The following ADAMTS7 variants were observed in gnomAD, a reference collection of about 807,000 sequenced individuals.
The protein encoded by ADAMTS7 is ADAM metallopeptidase with thrombospondin type 1 motif 7.
In ADAMTS7, 89 loss-of-function variants were observed where a neutral mutation model predicts 172.6. The observed-to-expected ratio is 0.52, with a 90% CI of 0.43 to 0.61. The LOEUF is 0.61. ADAMTS7 is among the 20% of genes least tolerant of loss of function. The pLI is 0.00. For missense variants in ADAMTS7, 1,973 were observed against 2,355.6 expected (o/e 0.84, Z 3.36); for synonymous variants, 885 against 978.4 (o/e 0.90, Z 1.78).
intron 16 of ADAMTS7, among the ~76,000 whole-genome samples, chr15:78,770,121 C>G (rs2055222328): frequency 6.6e-6 from 1 of 151,914 alleles, no homozygotes; most frequent in Admixed American, 6.6e-5. Flanking sequence ...CGAGATTGTG[C>G]CATTGCACTC....
At position 78,790,628 on chromosome 15, in the gene ADAMTS7, C is replaced by T. The variant is rs75190569; in HGVS notation, c.1028+42G>A. ...GCTTCTTCTGCAGGGCCGGGAAGCA[C>T]CTCCTGAGATGCAGGCTCCCACCCT... On this transcript the variant is annotated intron_variant, in intron 6 of 23. Coordinates refer to ENST00000388820, the MANE Select transcript of ADAMTS7 (RefSeq NM_014272.5). 0.019 allele frequency: 30,613 copies of T among 1,608,446 alleles called. 4,538 individuals carry two copies. In the East Asian group the frequency reaches 0.37, roughly 20 times the overall value.
Position 78,776,198 on chromosome 15 carries a change from T to G in ADAMTS7, c.1696A>C (p.Thr566Pro). The change falls in exon 11 of 24, where the codon ACG (threonine) becomes CCG (proline). Residue 566 changes from threonine to proline, a missense_variant. Transcript: ENST00000388820. Reference protein sequence around the residue: ...MGVQSAERQCTQPTPKYKGRY... With the variant: ...MGVQSAERQCPQPTPKYKGRY... The stretch of plus-strand genomic sequence containing the variant: ...GGGCCCCACACTCACGTAGGCTGCG[T>G]GCACTGCCGCTCGGCGCTCTGTACG... The G allele has an allele frequency of 6.2e-7, 1 of 1,610,796 alleles. No homozygotes were observed. Among genetic ancestry groups the G allele is most frequent in the Non-Finnish European group, 8.5e-7 (1 of 1,179,502 alleles).
At chr15:78,777,050 G>T in intron 9 of ADAMTS7, 1 of 587,858 alleles carries the variant, frequency 1.7e-6, no homozygotes, top group East Asian at 2.8e-5. Context: ...GCGCTGCTCA[G>T]AGCGGTCCCC....
At chr15:78,761,002 G>C (rs1004119943) in intron 23 of ADAMTS7, among the ~76,000 whole-genome samples, 4 of 152,100 alleles carry the variant, frequency 2.6e-5, no homozygotes, top group African/African-American at 9.7e-5. Flanking sequence ...GCTCCCTGTG[G>C]CCAGCCCTAG....
In ADAMTS7 at chr15:78,771,777, T is replaced by G; in HGVS notation, c.2184A>C (p.Gln728His). The G allele has an allele frequency of 6.2e-7, 1 of 1,612,748 alleles. No homozygotes were observed. The highest frequency in any genetic ancestry group is 8.5e-7 in the Non-Finnish European group (1 of 1,179,994). The change falls in exon 15 of 24, where the codon CAA becomes CAC. Residue 728 changes from glutamine to histidine, a missense_variant. Around this residue, in one of 8 missense-constraint regions of ADAMTS7, gnomAD observed 771 missense variants for 952.6 expected, o/e 0.81. Transcript: ENST00000388820. This position sits in a 1 kb window ranked among gnomAD's most constrained non-coding sequence, Gnocchi z 4.9. The stretch of plus-strand genomic sequence containing the variant: ...GGAAGTTGGCAGCCTCGGCAACCTC[T>G]TGGATGCGGATCTCGCGTGCGCCCG... ...IPAGAREIRIQEVAEAANFLA... is the reference protein window; with the variant it reads ...IPAGAREIRIHEVAEAANFLA...
intron 8 of ADAMTS7, 54 bp downstream of exon 8, chr15:78,788,177 G>A: frequency 6.2e-7 from 1 of 1,602,168 alleles, no homozygotes; most frequent in Non-Finnish European, 8.5e-7. Context: ...ATCTCTCCCA[G>A]TAGACCTTGA....
In ADAMTS7 at chr15:78,765,951, T is replaced by A. The variant is rs548250596; in HGVS notation, c.3960A>T (p.Pro1320=). The change falls in exon 19 of 24, where the codon CCA becomes CCT. Residue 1320 remains proline (P), a synonymous_variant. Coordinates refer to ENST00000388820, the MANE Select transcript of ADAMTS7 (RefSeq NM_014272.5). ...TCTGCAGGTCCCATGAGCCTGGTCC[T>A]GGGGTTGGGAAGGAGGGAGTCCCCG... is the stretch of plus-strand genomic sequence containing the variant. ...LEPGTPSFPT[P]GPGSWDLQTV... is the part of the protein sequence containing the mutation. 1,363 of 1,591,492 alleles carry A rather than the reference T, an allele frequency of 8.6e-4. No individual in the cohort carries two copies. The highest frequency in any genetic ancestry group is 1.1e-3 in the Non-Finnish European group (1,283 of 1,173,458).
chr15:78,769,366 C>T (rs2141479275), intron 16 of ADAMTS7, among the ~76,000 whole-genome samples: 1 of 152,300 alleles, frequency 6.6e-6, no homozygotes, highest in Admixed American at 6.5e-5. Context: ...AGCTGCCAGT[C>T]CCACATCCGT....
chr15:78,765,079 G>T (rs2055117973), intron 19 of ADAMTS7: 1 of 232,216 alleles, frequency 4.3e-6, no homozygotes, highest in Non-Finnish European at 8.4e-6. Context: ...CAGCCAAATC[G>T]CTGGGTATCC....
rs572094664 is a variant in ADAMTS7, at chr15:78,803,167, A to G, written c.101-2620T>C. ...ACTTGAGCCTAGGAGTTCAAGACCA[A>G]CTGGGCAACATAATGGGAACTTGTC... is the stretch of plus-strand genomic sequence containing the variant. On this transcript the variant is annotated intron_variant, in intron 1 of 23. Coordinates refer to ENST00000388820, the MANE Select transcript of ADAMTS7 (RefSeq NM_014272.5). 9.3e-5 allele frequency among the ~76,000 whole-genome samples: 14 copies of G among 151,200 alleles called. 1 individual carries two copies. The South Asian group carries it at 2.7e-3, about 30-fold the overall frequency.
chr15:78,810,167 G>A (rs2055845749), intron 1 of ADAMTS7, among the ~76,000 whole-genome samples: 1 of 152,134 alleles, frequency 6.6e-6, no homozygotes, highest in African/African-American at 2.4e-5. Flanking sequence ...CCCAGGGGAG[G>A]GCCCCACTCC....
At chr15:78,779,256 A>G (rs4886982) in intron 8 of ADAMTS7, among the ~76,000 whole-genome samples, 103,623 of 152,076 alleles carry the variant, frequency 0.68, 35,788 homozygotes, top group East Asian at 0.9. Context: ...AGATGATCAC[A>G]TGCCAGGCTG....
In ADAMTS7 at chr15:78,771,389, G is replaced by C. The variant is rs769956769; in HGVS notation, c.2377-86C>G. ...AGGAGCTGACCCCAGCCACCTCTGTGAACTGCAGCTACAAGATTGGGCCAT... is the reference window on the plus strand; with the variant it reads ...AGGAGCTGACCCCAGCCACCTCTGTCAACTGCAGCTACAAGATTGGGCCAT... On this transcript the variant is annotated intron_variant, in intron 15 of 23. Coordinates refer to ENST00000388820, the MANE Select transcript of ADAMTS7 (RefSeq NM_014272.5). This position sits in a 1 kb window ranked among gnomAD's most constrained non-coding sequence, Gnocchi z 4.9. 33 of 1,596,014 alleles carry C rather than the reference G, an allele frequency of 2.1e-5. No individual in the cohort carries two copies. The highest frequency in any genetic ancestry group is 2.4e-5 in the Non-Finnish European group (28 of 1,170,074).
intron 23 of ADAMTS7, among the ~76,000 whole-genome samples, chr15:78,760,313 T>C (rs191164120): frequency 0.01 from 1,583 of 152,328 alleles, 36 homozygotes; most frequent in African/African-American, 0.037. Flanking sequence ...TCCAGCCTCC[T>C]GGCCTTGCTC....
rs2055771568 is a variant in ADAMTS7, at chr15:78,805,088, A to ATGTGTATT, written c.101-4549_101-4542dup. Among the ~76,000 whole-genome samples, 9 of 152,258 alleles carry ATGTGTATT rather than the reference A, an allele frequency of 5.9e-5. No homozygotes were observed. In the South Asian group the frequency reaches 1.9e-3, roughly 32 times the overall value. On this transcript the variant is annotated intron_variant, in intron 1 of 23. Coordinates refer to ENST00000388820, the MANE Select transcript of ADAMTS7 (RefSeq NM_014272.5). ...GATCCAGGGCTCTGGGGGCCCTAGA[A>ATGTGTATT]TGTGTATTTTCTGTGTTTTTCTAGA...
At chr15:78,768,392 T>G in intron 16 of ADAMTS7, 133 bp from the exon 17 acceptor site, 2 of 1,351,824 alleles carry the variant, frequency 1.5e-6, no homozygotes, top group Non-Finnish European at 2.0e-6. Flanking sequence ...ACTGCCCATG[T>G]CAGGATGAAG....
chr15:78,759,411 C>G lies in ADAMTS7; in HGVS notation c.*10G>C. 6.3e-7 allele frequency: 1 copy of G among 1,589,134 alleles called. No individual in the cohort carries two copies. The highest frequency in any genetic ancestry group is 2.2e-5 in the East Asian group (1 of 44,502). On this transcript the variant is annotated 3_prime_UTR_variant, in exon 24 of 24. Transcript: ENST00000388820. Reference sequence around the variant, plus strand: ...GAGGTCTGTCGGTCGGTCTGTGCATCCTGGCGCAGTCAGCGGCGGGCAACC... The same window carrying G: ...GAGGTCTGTCGGTCGGTCTGTGCATGCTGGCGCAGTCAGCGGCGGGCAACC...
At chr15:78,764,188 G>A in intron 20 of ADAMTS7, 89 bp from the exon 21 acceptor site, 1 of 1,417,896 alleles carries the variant, frequency 7.1e-7, no homozygotes, top group Admixed American at 2.9e-5. Flanking sequence ...AAGGCATCCA[G>A]GCCCACGCCC....
Position 78,796,788 on chromosome 15 carries a change from T to C in ADAMTS7, c.623-2A>G. The C allele has an allele frequency of 1.9e-6, 3 of 1,606,404 alleles. No homozygotes were observed. The highest frequency in any genetic ancestry group is 1.7e-6 in the Non-Finnish European group (2 of 1,178,444). ...GTCGAGACTCCAGCTCTGGGTACACTGGAGGCCCAGATGGGGTGGAGTTAG... is the reference window on the plus strand; with the variant it reads ...GTCGAGACTCCAGCTCTGGGTACACCGGAGGCCCAGATGGGGTGGAGTTAG... On this transcript the variant is annotated splice_acceptor_variant, in intron 3 of 23. Transcript: ENST00000388820. LOFTEE classifies it high-confidence loss of function.
Sources: allele counts gnomAD v4.1 joint callset (sites outside exome capture counted in the v4.1 genomes callset), GRCh38; gene constraint gnomAD v4.1.1; regional missense constraint gnomAD v4.1.1; non-coding constraint Gnocchi (gnomAD v3.1); transcripts MANE v1.5; gene names NCBI Gene and HGNC (gene_info 2026-07-23, HGNC 2026-07-21).